The following NRXN1 variants were observed in gnomAD, a reference collection of about 807,000 sequenced individuals.
The protein encoded by NRXN1 is neurexin-1.
In NRXN1, 39 loss-of-function variants were observed where a neutral mutation model predicts 150.9. The ratio of observed to expected loss-of-function variants is 0.26; its 90% CI spans 0.20 to 0.34. The LOEUF is 0.34. Ranked by LOEUF, NRXN1 falls within the 10% of genes least tolerant of loss-of-function variation. NRXN1 has a pLI of 1.00. For missense variants in NRXN1, 1,815 were observed against 1,949.9 expected (o/e 0.93, Z 1.30); for synonymous variants, 924 against 757.0 (o/e 1.22, Z -3.62).
intron 21 of NRXN1, among the ~76,000 whole-genome samples, chr2:49,946,611 T>G (rs190134524): frequency 2.7e-3 from 406 of 152,280 alleles, no homozygotes; most frequent in African/African-American, 9.5e-3. Flanking sequence ...GTCTAGCCAG[T>G]TTTCCCAACA....
At chr2:50,607,652 T>C (rs1424253672) in intron 8 of NRXN1, among the ~76,000 whole-genome samples, 1 of 150,952 alleles carries the variant, frequency 6.6e-6, no homozygotes, top group Non-Finnish European at 1.5e-5. Flanking sequence ...CATACAGAAA[T>C]GATAATTAAC....
chr2:50,270,879 G>A (rs561688261), intron 17 of NRXN1, among the ~76,000 whole-genome samples: 29 of 151,976 alleles, frequency 1.9e-4, no homozygotes, highest in Non-Finnish European at 3.5e-4. Flanking sequence ...GGCTGGTGGC[G>A]AACTCCTAAC....
At chr2:50,859,102 A>C (rs2106018065) in intron 5 of NRXN1, among the ~76,000 whole-genome samples, 1 of 152,150 alleles carries the variant, frequency 6.6e-6, no homozygotes, top group Non-Finnish European at 1.5e-5. Context: ...ACGGCCTAAG[A>C]ATATTTATAA....
intron 2 of NRXN1, among the ~76,000 whole-genome samples, chr2:50,934,578 C>G (rs547080495): frequency 6.6e-6 from 1 of 152,278 alleles, no homozygotes; most frequent in East Asian, 1.9e-4. Flanking sequence ...CTGGACAGCA[C>G]AAATTGTGAA....
intron 17 of NRXN1, among the ~76,000 whole-genome samples, chr2:50,330,475 C>T (rs1408296710): frequency 6.6e-6 from 1 of 152,038 alleles, no homozygotes; most frequent in African/African-American, 2.4e-5. Context: ...TTGCTTTAAC[C>T]TCCCATCCCC....
intron 18 of NRXN1, among the ~76,000 whole-genome samples, chr2:50,217,866 A>T (rs1416062482): frequency 6.6e-6 from 1 of 152,066 alleles, no homozygotes; most frequent in Non-Finnish European, 1.5e-5. Context: ...TAGATAAGAT[A>T]TTTCCCATTT....
chr2:50,323,571 C>CTATATATATATATATATATATATA (rs149609146), intron 17 of NRXN1, among the ~76,000 whole-genome samples: 42 of 144,342 alleles, frequency 2.9e-4, no homozygotes, highest in African/African-American at 9.9e-4. Context: ...GGGAAATAAA[C>CTATATATATATATATATATATATA]TATATATATA....
intron 18 of NRXN1, among the ~76,000 whole-genome samples, chr2:50,223,193 TA>T (rs199664122): frequency 2.7e-5 from 4 of 150,816 alleles, no homozygotes; most frequent in Non-Finnish European, 5.9e-5. Context: ...ATTAGTAAGT[TA>T]AAAAAAAAGT....
chr2:50,426,511 T>A (rs571103955), intron 17 of NRXN1, among the ~76,000 whole-genome samples: 2 of 152,200 alleles, frequency 1.3e-5, no homozygotes, highest in African/African-American at 4.8e-5. Flanking sequence ...TTGTATTTTG[T>A]TTTCTACATT....
At chr2:50,759,577 A>T (rs1218858367) in intron 5 of NRXN1, among the ~76,000 whole-genome samples, 2 of 151,962 alleles carry the variant, frequency 1.3e-5, no homozygotes, top group Non-Finnish European at 2.9e-5. Flanking sequence ...AAGAAAAAGC[A>T]TTGAAAATAA....
intron 18 of NRXN1, among the ~76,000 whole-genome samples, chr2:50,232,619 T>C (rs1312641019): frequency 6.6e-6 from 1 of 151,946 alleles, no homozygotes; most frequent in Non-Finnish European, 1.5e-5. Context: ...TCTCTTGACC[T>C]TGTGATCTGC....
chr2:50,823,307 C>A (rs1669991199), intron 5 of NRXN1, among the ~76,000 whole-genome samples: 2 of 152,082 alleles, frequency 1.3e-5, no homozygotes, highest in African/African-American at 2.4e-5. Flanking sequence ...ACCTGTGACC[C>A]TAGGCCATCA....
At chr2:50,929,456 G>A (rs941389727) in intron 2 of NRXN1, among the ~76,000 whole-genome samples, 3 of 151,922 alleles carry the variant, frequency 2.0e-5, no homozygotes, top group African/African-American at 7.2e-5. Flanking sequence ...GATATCACTT[G>A]GGCATTCCTT....
At chr2:50,534,476 C>T (rs373666004) in intron 10 of NRXN1, among the ~76,000 whole-genome samples, 15 of 152,112 alleles carry the variant, frequency 9.9e-5, no homozygotes, top group African/African-American at 3.4e-4. Flanking sequence ...TGGTCAAAGA[C>T]CAGTGCAAAT....
chr2:50,855,485 T>C (rs550819518), intron 5 of NRXN1, among the ~76,000 whole-genome samples: 1 of 152,126 alleles, frequency 6.6e-6, no homozygotes, highest in South Asian at 2.1e-4. Flanking sequence ...TAATACTCCA[T>C]GCTGCTTCCT....
chr2:50,614,733 C>CAAAAAAAAA (rs33968907), intron 8 of NRXN1, among the ~76,000 whole-genome samples: 2 of 98,268 alleles, frequency 2.0e-5, no homozygotes, highest in Non-Finnish European at 3.8e-5. Context: ...ATCAGCCATT[C>CAAAAAAAAA]AAAAAAAAAA....
In NRXN1 at chr2:50,091,237, A is replaced by G. The variant is rs114128920; in HGVS notation, c.3718+86T>C. 2,161 of 1,494,714 alleles carry G rather than the reference A, an allele frequency of 1.4e-3. 31 individuals carry two copies. In the African/African-American group the frequency reaches 0.027, roughly 18 times the overall value. The allele number at this position is 1,494,714 out of a possible 1,614,324, so 92.6% of individuals were successfully genotyped here. ...GTTGATGGTTTCTCAGAAAACCACA[A>G]TTTGGTGAAACGGATGCAAAACAGT... On this transcript the variant is annotated intron_variant, in intron 19 of 22. Coordinates refer to ENST00000401669, the MANE Select transcript of NRXN1 (RefSeq NM_001330078.2).
chr2:50,621,021 A>C (rs1679915663), intron 7 of NRXN1: 1 of 524,272 alleles, frequency 1.9e-6, no homozygotes, highest in African/African-American at 2.0e-5. Context: ...GGTGAGTTGG[A>C]AAACAGAAGT....
At chr2:50,243,833 T>G (rs1202403538) in intron 17 of NRXN1, among the ~76,000 whole-genome samples, 1 of 151,824 alleles carries the variant, frequency 6.6e-6, no homozygotes. Context: ...GATTAGGCTC[T>G]AGCCCAGCCA....
Sources: gnomAD v4.1 joint callset for allele counts (sites outside exome capture counted in the v4.1 genomes callset) on GRCh38, gnomAD v4.1.1 for gene constraint, MANE v1.5 for transcripts, NCBI Gene and HGNC (gene_info 2026-07-23, HGNC 2026-07-21) for gene names.